The following TBC1D5 variants were observed in gnomAD, a reference collection of about 807,000 sequenced individuals.
The protein encoded by TBC1D5 is TBC1 domain family, member 5.
In TBC1D5, 75 loss-of-function variants were observed where a neutral mutation model predicts 100.3. The observed-to-expected ratio is 0.75, with a 90% CI of 0.62 to 0.91. The LOEUF (loss-of-function observed/expected upper bound fraction) is 0.91, where lower values mean the gene tolerates loss of function less well. Ranked by LOEUF, TBC1D5 falls within the 40% of genes least tolerant of loss-of-function variation. The pLI is 0.00. For missense variants in TBC1D5, 910 were observed against 942.4 expected (o/e 0.97, Z 0.45); for synonymous variants, 323 against 325.6 (o/e 0.99, Z 0.09).
intron 4 of TBC1D5, among the ~76,000 whole-genome samples, chr3:17,418,374 G>C (rs2094133299): frequency 6.6e-6 from 1 of 152,126 alleles, no homozygotes; most frequent in Non-Finnish European, 1.5e-5. Context: ...TTGGGAGGCT[G>C]AGGTGGGTGG....
At chr3:17,516,784 G>A (rs1204921973) in intron 2 of TBC1D5, among the ~76,000 whole-genome samples, 3 of 152,034 alleles carry the variant, frequency 2.0e-5, no homozygotes, top group Non-Finnish European at 4.4e-5. Context: ...ACTAAACATC[G>A]CTCTGGGAAA....
At chr3:17,707,043 T>A (rs2074252754) in intron 1 of TBC1D5, among the ~76,000 whole-genome samples, 1 of 151,992 alleles carries the variant, frequency 6.6e-6, no homozygotes, top group Admixed American at 6.5e-5. Flanking sequence ...TGGGATAATT[T>A]CGGTAAATGT....
At chr3:17,551,069 T>C (rs962294769) in intron 2 of TBC1D5, among the ~76,000 whole-genome samples, 1 of 152,162 alleles carries the variant, frequency 6.6e-6, no homozygotes, top group African/African-American at 2.4e-5. Context: ...TGTGTGTGTA[T>C]GTGTGTGTAT....
At chr3:17,471,929 A>C (rs954065471) in intron 3 of TBC1D5, among the ~76,000 whole-genome samples, 1 of 152,066 alleles carries the variant, frequency 6.6e-6, no homozygotes, top group African/African-American at 2.4e-5. Flanking sequence ...TCAGAACATG[A>C]GCAGAGTTAC....
intron 3 of TBC1D5, among the ~76,000 whole-genome samples, chr3:17,456,096 T>A (rs992436086): frequency 6.6e-6 from 1 of 152,122 alleles, no homozygotes; most frequent in Non-Finnish European, 1.5e-5. Flanking sequence ...AATATCTATA[T>A]GCAGAAGAAT....
intron 2 of TBC1D5, among the ~76,000 whole-genome samples, chr3:17,584,273 G>A (rs896542024): frequency 6.6e-6 from 1 of 152,194 alleles, no homozygotes; most frequent in African/African-American, 2.4e-5. Context: ...GAGGTGGAAG[G>A]TTGCATAACA....
At chr3:17,653,214 A>C (rs1282841773) in intron 1 of TBC1D5, among the ~76,000 whole-genome samples, 1 of 152,300 alleles carries the variant, frequency 6.6e-6, no homozygotes, top group South Asian at 2.1e-4. Flanking sequence ...GAGGTGATGA[A>C]AATGTTTTAG....
chr3:17,304,531 G>T (rs1181322048), intron 14 of TBC1D5, among the ~76,000 whole-genome samples: 1 of 151,924 alleles, frequency 6.6e-6, no homozygotes, highest in African/African-American at 2.4e-5. Flanking sequence ...CCTCAGCCTC[G>T]TGAGTAGCTA....
At chr3:17,713,589 T>C (rs1483524421) in intron 1 of TBC1D5, among the ~76,000 whole-genome samples, 1 of 152,110 alleles carries the variant, frequency 6.6e-6, no homozygotes, top group Non-Finnish European at 1.5e-5. Context: ...ACTTTAGTCA[T>C]GTGAAAAGAC....
At chr3:17,556,468 A>G (rs1215704447) in intron 2 of TBC1D5, among the ~76,000 whole-genome samples, 4 of 152,176 alleles carry the variant, frequency 2.6e-5, no homozygotes, top group Non-Finnish European at 5.9e-5. Flanking sequence ...AGACATTACA[A>G]TAACTACTAA....
intron 4 of TBC1D5, among the ~76,000 whole-genome samples, chr3:17,423,274 A>G (rs1213819963): frequency 6.6e-6 from 1 of 152,122 alleles, no homozygotes; most frequent in Non-Finnish European, 1.5e-5. Context: ...GAAATACAAT[A>G]TTTTGTTAGA....
intron 2 of TBC1D5, among the ~76,000 whole-genome samples, chr3:17,537,595 C>T (rs2096295622): frequency 6.6e-6 from 1 of 152,180 alleles, no homozygotes; most frequent in Non-Finnish European, 1.5e-5. Flanking sequence ...TGGCAATCAC[C>T]ATTCTACTTT....
intron 4 of TBC1D5, among the ~76,000 whole-genome samples, chr3:17,416,318 C>T (rs979877205): frequency 2.6e-5 from 4 of 152,180 alleles, no homozygotes; most frequent in African/African-American, 9.6e-5. Context: ...GCAGTTAAAA[C>T]ATGGCTAGTT....
At position 17,204,376 on chromosome 3, in the gene TBC1D5, G is replaced by T. The variant is rs77172339; in HGVS notation, c.1752+9831C>A. On this transcript the variant is annotated intron_variant, in intron 18 of 21. Transcript: ENST00000253692. ...TGTGGCACTGAAAGAATATACAAAT[G>T]TCAAGTTTCAAGAAAGGTCACTAGA... is the stretch of plus-strand genomic sequence containing the variant. 1.0e-3 allele frequency among the ~76,000 whole-genome samples: 157 copies of T among 152,298 alleles called. 1 individual carries two copies. The highest frequency in any genetic ancestry group is 1.1e-3 in the Non-Finnish European group (76 of 68,022).
At chr3:17,599,681 C>T (rs550932994) in intron 2 of TBC1D5, among the ~76,000 whole-genome samples, 3 of 152,156 alleles carry the variant, frequency 2.0e-5, no homozygotes, top group African/African-American at 7.2e-5. Context: ...TTGTAACACA[C>T]CCCTAGACCT....
At chr3:17,735,630 C>T (rs1354650501) in intron 1 of TBC1D5, among the ~76,000 whole-genome samples, 2 of 152,094 alleles carry the variant, frequency 1.3e-5, no homozygotes, top group African/African-American at 4.8e-5. Flanking sequence ...AGAAGAGAAC[C>T]ATGGAACCCA....
chr3:17,266,948 C>T (rs1401433442), intron 15 of TBC1D5, among the ~76,000 whole-genome samples: 4 of 151,752 alleles, frequency 2.6e-5, no homozygotes, highest in Admixed American at 2.6e-4. Flanking sequence ...GCAAAAACAC[C>T]GTTAATTGGG....
At chr3:17,443,991 TAA>T (rs916713506) in intron 3 of TBC1D5, among the ~76,000 whole-genome samples, 5 of 152,082 alleles carry the variant, frequency 3.3e-5, no homozygotes, top group African/African-American at 1.2e-4. Flanking sequence ...CAAAATCACA[TAA>T]GTCTTCAATG....
chr3:17,724,233 C>T (rs558333877), intron 1 of TBC1D5, among the ~76,000 whole-genome samples: 4 of 152,128 alleles, frequency 2.6e-5, no homozygotes, highest in African/African-American at 9.6e-5. Context: ...GCAGGGACCA[C>T]CAGCACACGC....
Sources: allele counts gnomAD v4.1 joint callset (sites outside exome capture counted in the v4.1 genomes callset), GRCh38; gene constraint gnomAD v4.1.1; transcripts MANE v1.5; gene names NCBI Gene and HGNC (gene_info 2026-07-23, HGNC 2026-07-21).